The following ARHGAP15 variants were observed in gnomAD, a reference collection of about 807,000 sequenced individuals.
ARHGAP15 encodes Rho GTPase activating protein 15.
ARHGAP15 carries 51 observed loss-of-function variants against 63.7 expected under a neutral mutation model. That is an observed-to-expected ratio of 0.80 (90% CI 0.64 to 1.01). The LOEUF is 1.01. Ranked by LOEUF, ARHGAP15 falls within the 50% of genes least tolerant of loss-of-function variation. ARHGAP15 has a pLI of 0.00. For missense variants in ARHGAP15, 560 were observed against 564.6 expected, an observed-to-expected ratio of 0.99 and a Z score of 0.08; for synonymous variants, 191 against 193.8, an observed-to-expected ratio of 0.99 and a Z score of 0.12.
At chr2:143,332,596 C>G (rs1159269187) in intron 6 of ARHGAP15, among the ~76,000 whole-genome samples, 2 of 152,074 alleles carry the variant, frequency 1.3e-5, no homozygotes, top group East Asian at 1.9e-4. Flanking sequence ...ATTCAAATAT[C>G]AAAGTGCTTC....
At chr2:143,530,034 A>G (rs1301712802) in intron 10 of ARHGAP15, among the ~76,000 whole-genome samples, 1 of 152,178 alleles carries the variant, frequency 6.6e-6, no homozygotes, top group Non-Finnish European at 1.5e-5. Context: ...TAAATGGATG[A>G]AGAGACAAAT....
chr2:143,590,943 C>CTT (rs1697296683), intron 11 of ARHGAP15, among the ~76,000 whole-genome samples: 1 of 34,874 alleles, frequency 2.9e-5, no homozygotes, highest in Non-Finnish European at 9.8e-5. Flanking sequence ...TGTATCTTTG[C>CTT]TCTCTCTCTC....
intron 13 of ARHGAP15, among the ~76,000 whole-genome samples, chr2:143,714,563 T>A (rs976702637): frequency 1.3e-5 from 2 of 152,250 alleles, no homozygotes; most frequent in African/African-American, 2.4e-5. Flanking sequence ...CTACTCATTA[T>A]CAGGCTGCAA....
chr2:143,203,076 A>G (rs1692185664), intron 3 of ARHGAP15, among the ~76,000 whole-genome samples: 1 of 151,986 alleles, frequency 6.6e-6, no homozygotes, highest in Non-Finnish European at 1.5e-5. Flanking sequence ...ATATGCTTCC[A>G]GTCTTATTGG....
chr2:143,417,330 C>A (rs1048833927), intron 6 of ARHGAP15, among the ~76,000 whole-genome samples: 1 of 151,958 alleles, frequency 6.6e-6, no homozygotes, highest in Non-Finnish European at 1.5e-5. Context: ...TAGGTGTGAA[C>A]GGTTACACAT....
chr2:143,545,624 A>C (rs1695297145), intron 10 of ARHGAP15, among the ~76,000 whole-genome samples: 1 of 152,094 alleles, frequency 6.6e-6, no homozygotes, highest in South Asian at 2.1e-4. Flanking sequence ...ATCCCCATTG[A>C]TTTTTAAAAA....
At chr2:143,635,021 T>G (rs1001089506) in intron 12 of ARHGAP15, among the ~76,000 whole-genome samples, 6 of 151,846 alleles carry the variant, frequency 4.0e-5, no homozygotes, top group African/African-American at 9.7e-5. Flanking sequence ...ACACTGTAGA[T>G]CCCAAAATGT....
At chr2:143,357,758 T>TA (rs1220239719) in intron 6 of ARHGAP15, among the ~76,000 whole-genome samples, 1 of 152,048 alleles carries the variant, frequency 6.6e-6, no homozygotes, top group East Asian at 1.9e-4. Flanking sequence ...GATAATGATT[T>TA]AAAAAGGAAT....
intron 13 of ARHGAP15, among the ~76,000 whole-genome samples, chr2:143,727,942 C>T (rs1461733987): frequency 6.6e-6 from 1 of 152,204 alleles, no homozygotes; most frequent in Non-Finnish European, 1.5e-5. Context: ...GCTGGAAAAG[C>T]ATTCAGACTA....
chr2:143,538,642 T>C (rs1372707240), intron 10 of ARHGAP15, among the ~76,000 whole-genome samples: 1 of 152,230 alleles, frequency 6.6e-6, no homozygotes, highest in Non-Finnish European at 1.5e-5. Context: ...GATAATCATG[T>C]GGTTTTTGTC....
chr2:143,327,277 C>T lies in ARHGAP15; in HGVS notation c.474+76677C>T, dbSNP rs960390924. Among the ~76,000 whole-genome samples, 11 of 152,302 alleles carry T rather than the reference C, an allele frequency of 7.2e-5. No individual in the cohort carries two copies. The South Asian group carries it at 2.3e-3, about 32-fold the overall frequency. On this transcript the variant is annotated intron_variant, in intron 6 of 13. Transcript: ENST00000295095. ...CAAACAAATGGAAAAACATTCCATGCTCATGGATAGGAAGAATCAATATCG... is the reference window on the plus strand; with the variant it reads ...CAAACAAATGGAAAAACATTCCATGTTCATGGATAGGAAGAATCAATATCG...
intron 6 of ARHGAP15, among the ~76,000 whole-genome samples, chr2:143,315,962 T>C (rs994207700): frequency 3.3e-5 from 5 of 152,026 alleles, no homozygotes; most frequent in African/African-American, 1.2e-4. Context: ...GGTGCGTGCC[T>C]GTATTCCCAG....
At chr2:143,378,597 CAA>C (rs759542491) in intron 6 of ARHGAP15, among the ~76,000 whole-genome samples, 1 of 152,030 alleles carries the variant, frequency 6.6e-6, no homozygotes, top group Non-Finnish European at 1.5e-5. Flanking sequence ...TTGAATCACT[CAA>C]GAGTATCATT....
intron 6 of ARHGAP15, among the ~76,000 whole-genome samples, chr2:143,356,535 G>T (rs1231715658): frequency 6.6e-6 from 1 of 151,992 alleles, no homozygotes; most frequent in Non-Finnish European, 1.5e-5. Context: ...GTTGGTTGAT[G>T]AATTCTATTC....
chr2:143,259,498 T>C (rs1680605052), intron 6 of ARHGAP15, among the ~76,000 whole-genome samples: 1 of 152,210 alleles, frequency 6.6e-6, no homozygotes, highest in Non-Finnish European at 1.5e-5. Flanking sequence ...GATTGTTCTA[T>C]TATTAACATA....
At position 143,528,412 on chromosome 2, in the gene ARHGAP15, A is replaced by C. The variant is rs139779013; in HGVS notation, c.925+9048A>C. Among the ~76,000 whole-genome samples, 314 of 152,034 alleles carry C rather than the reference A, an allele frequency of 2.1e-3. 1 individual carries two copies. The highest frequency in any genetic ancestry group is 6.8e-3 in the African/African-American group (282 of 41,412). On this transcript the variant is annotated intron_variant, in intron 10 of 13. Transcript: ENST00000295095. ...TTTGTTTTCCATGTACCTCTCAGGA[A>C]ATTTTTATTTGGATGATAATTTTTT...
intron 6 of ARHGAP15, among the ~76,000 whole-genome samples, chr2:143,362,613 A>T (rs1055671072): frequency 1.3e-5 from 2 of 152,190 alleles, no homozygotes. Context: ...CTTTATTTGG[A>T]TGTTTAATAT....
At chr2:143,244,150 A>G (rs181500648) in intron 5 of ARHGAP15, among the ~76,000 whole-genome samples, 2 of 152,292 alleles carry the variant, frequency 1.3e-5, no homozygotes, top group African/African-American at 4.8e-5. Context: ...GTCATTCTCT[A>G]TCCAGTTCCT....
intron 11 of ARHGAP15, among the ~76,000 whole-genome samples, chr2:143,557,044 G>A (rs1437753741): frequency 6.6e-6 from 1 of 152,104 alleles, no homozygotes; most frequent in East Asian, 1.9e-4. Context: ...TTCATTGCTG[G>A]CGGAAGTGCG....
Sources: allele counts gnomAD v4.1 joint callset (sites outside exome capture counted in the v4.1 genomes callset), GRCh38; gene constraint gnomAD v4.1.1; transcripts MANE v1.5; gene names NCBI Gene and HGNC (gene_info 2026-07-23, HGNC 2026-07-21).